HDAC8: variants seen among roughly 807,000 people sequenced by gnomAD.
HDAC8 encodes histone deacetylase-like 1.
In HDAC8, 1 loss-of-function variant was observed where a neutral mutation model predicts 32.2. That is an observed-to-expected ratio of 0.03 (90% CI 0.01 to 0.15). The LOEUF is 0.15. Ranked by LOEUF, HDAC8 falls within the 10% of genes least tolerant of loss-of-function variation. The probability of loss-of-function intolerance (pLI) is 1.00; values close to 1 mark genes in which losing one functional copy is unlikely to be tolerated. For synonymous variants in HDAC8, 108 were observed against 113.9 expected (o/e 0.95, Z 0.33); for missense variants, 117 against 300.0 (o/e 0.39, Z 4.51).
At chrX:72,439,639 C>CAAAAAA (rs782744436) in intron 9 of HDAC8, among the ~76,000 whole-genome samples, 11 of 36,180 alleles carry the variant, frequency 3.0e-4, no homozygotes, top group South Asian at 1.7e-3. Flanking sequence ...AAATGGAAAG[C>CAAAAAA]AAAAAAAAAA....
chrX:72,369,584 G>A (rs995342637), intron 9 of HDAC8, among the ~76,000 whole-genome samples: 1 of 112,162 alleles, frequency 8.9e-6, no homozygotes, highest in Non-Finnish European at 1.9e-5. Context: ...AGGCACCTCC[G>A]AACTGGGCTG....
intron 4 of HDAC8, among the ~76,000 whole-genome samples, chrX:72,537,944 G>A (rs1405974074): frequency 9.0e-6 from 1 of 111,712 alleles, no homozygotes; most frequent in Non-Finnish European, 1.9e-5. Context: ...GACCAGTGAG[G>A]AAGTGAATGC....
intron 7 of HDAC8, among the ~76,000 whole-genome samples, chrX:72,483,005 C>T (rs182352743): frequency 9.0e-6 from 1 of 111,477 alleles, no homozygotes; most frequent in African/African-American, 3.3e-5. Flanking sequence ...GGTGCAGGAG[C>T]CTCATCTGCC....
intron 9 of HDAC8, among the ~76,000 whole-genome samples, chrX:72,448,653 C>T (rs2047485572): frequency 8.9e-6 from 1 of 112,013 alleles, no homozygotes; most frequent in African/African-American, 3.2e-5. Context: ...AGACAAGTTA[C>T]AGAATGGGAG....
intron 1 of HDAC8, chrX:72,572,428 C>T: frequency 2.4e-6 from 1 of 412,199 alleles, no homozygotes; most frequent in South Asian, 4.8e-5. Flanking sequence ...CCCCCTCCCC[C>T]ACTCCTACCT....
chrX:72,531,784 A>G (rs546295897), intron 4 of HDAC8, among the ~76,000 whole-genome samples: 3 of 112,489 alleles, frequency 2.7e-5, no homozygotes, highest in South Asian at 3.6e-4. Flanking sequence ...TCCATGTTGT[A>G]GCATGTATCA....
chrX:72,474,472 C>G (rs1603013835), intron 7 of HDAC8: 1 of 1,057,361 alleles, frequency 9.5e-7, no homozygotes, highest in South Asian at 2.7e-5. Context: ...TGCTACACTG[C>G]AAATCATTAA....
At chrX:72,459,489 C>T (rs1478409312) in intron 9 of HDAC8, among the ~76,000 whole-genome samples, 2 of 110,315 alleles carry the variant, frequency 1.8e-5, no homozygotes, top group South Asian at 3.9e-4. Flanking sequence ...TGAGGTCAGC[C>T]CGGCTGCAAC....
chrX:72,442,769 G>C (rs187042672), intron 9 of HDAC8, among the ~76,000 whole-genome samples: 24 of 112,079 alleles, frequency 2.1e-4, no homozygotes, highest in African/African-American at 7.1e-4. Context: ...AGACCCATCA[G>C]TGTGCTGTAT....
chrX:72,530,493 T>G, intron 4 of HDAC8, among the ~76,000 whole-genome samples: 1 of 108,550 alleles, frequency 9.2e-6, no homozygotes, highest in East Asian at 2.9e-4. Context: ...CGTATCTCCT[T>G]AATCTCTTAA....
chrX:72,558,417 A>G (rs2051357580), intron 4 of HDAC8, among the ~76,000 whole-genome samples: 1 of 112,330 alleles, frequency 8.9e-6, no homozygotes, highest in African/African-American at 3.2e-5. Context: ...TTAGAGATGC[A>G]GGGATAGTTT....
chrX:72,379,991 C>T (rs1555959484), intron 9 of HDAC8, among the ~76,000 whole-genome samples: 1 of 111,082 alleles, frequency 9.0e-6, no homozygotes, highest in Non-Finnish European at 1.9e-5. Flanking sequence ...GCAACTTTGC[C>T]TTAGCACTTC....
intron 9 of HDAC8, among the ~76,000 whole-genome samples, chrX:72,379,703 C>T (rs1415674969): frequency 5.5e-5 from 6 of 109,361 alleles, no homozygotes; most frequent in Admixed American, 9.8e-5. Context: ...GGTTTCGCCA[C>T]GTTGGCTAGG....
intron 9 of HDAC8, among the ~76,000 whole-genome samples, chrX:72,357,186 C>T (rs1555951060): frequency 9.3e-6 from 1 of 107,782 alleles, no homozygotes; most frequent in Non-Finnish European, 1.9e-5. Context: ...GGAGCATGAA[C>T]GGGATGAAGG....
chrX:72,520,192 C>T (rs1211823066), intron 4 of HDAC8, among the ~76,000 whole-genome samples: 1 of 111,699 alleles, frequency 9.0e-6, no homozygotes, highest in Non-Finnish European at 1.9e-5. Context: ...TCTCAAAAAT[C>T]TCCTATGTTT....
At chrX:72,334,714 A>T (rs2043630893) in intron 10 of HDAC8, among the ~76,000 whole-genome samples, 1 of 112,110 alleles carries the variant, frequency 8.9e-6, no homozygotes, top group South Asian at 3.7e-4. Context: ...TGGAGGCGAG[A>T]TGTAGCTTAT....
At chrX:72,547,134 C>A (rs1367082865) in intron 4 of HDAC8, among the ~76,000 whole-genome samples, 3 of 111,134 alleles carry the variant, frequency 2.7e-5, no homozygotes, top group African/African-American at 9.8e-5. Flanking sequence ...AGGTATACTT[C>A]CATCACTTTC....
At chrX:72,366,355 G>C (rs2044697663) in intron 9 of HDAC8, among the ~76,000 whole-genome samples, 1 of 111,893 alleles carries the variant, frequency 8.9e-6, no homozygotes, top group Non-Finnish European at 1.9e-5. Context: ...CCCCTAAACT[G>C]TAGCCACATT....
chrX:72,551,393 T>C (rs965796741), intron 4 of HDAC8, among the ~76,000 whole-genome samples: 2 of 112,308 alleles, frequency 1.8e-5, no homozygotes, highest in Admixed American at 1.9e-4. Context: ...GAATCTTTTA[T>C]ATATTTTTTG....
Sources: allele counts gnomAD v4.1 joint callset (sites outside exome capture counted in the v4.1 genomes callset), GRCh38; gene constraint gnomAD v4.1.1; transcripts MANE v1.5; gene names NCBI Gene and HGNC (gene_info 2026-07-23, HGNC 2026-07-21).